The following WDR41 variants were observed in gnomAD, a reference collection of about 807,000 sequenced individuals.
WDR41 encodes the protein WD repeat domain 41.
Under a neutral mutation model 69.3 loss-of-function variants are expected in WDR41, and 63 were observed. The ratio of observed to expected loss-of-function variants is 0.91; its 90% confidence interval spans 0.74 to 1.12. The LOEUF is 1.12. WDR41 is among the 50% of genes most tolerant of loss of function. The pLI is 0.00. For synonymous variants in WDR41, 185 were observed against 192.1 expected (o/e 0.96, Z 0.31); for missense variants, 543 against 534.5 (o/e 1.02, Z -0.16).
chr5:77,559,625 CATTATAT>C (rs1293844872), intron 1 of WDR41, among the ~76,000 whole-genome samples: 1 of 150,576 alleles, frequency 6.6e-6, no homozygotes, highest in Non-Finnish European at 1.5e-5. Context: ...TATATGTCAG[CATTATAT>C]ATAATATATA....
chr5:77,522,352 C>T (rs940585154), intron 1 of WDR41, among the ~76,000 whole-genome samples: 3 of 152,086 alleles, frequency 2.0e-5, no homozygotes, highest in South Asian at 2.1e-4. Context: ...TTAAAAGAAA[C>T]GGAAAGAGGC....
intron 2 of WDR41, among the ~76,000 whole-genome samples, chr5:77,475,229 C>G (rs962789627): frequency 5.9e-5 from 9 of 152,166 alleles, no homozygotes; most frequent in African/African-American, 1.7e-4. Context: ...AGGCAGCAGC[C>G]AGGCTGGGGG....
rs1345592404 is a variant in WDR41, at chr5:77,477,627, G to A, written c.167+11830C>T. Among the ~76,000 whole-genome samples, 8 of 85,424 alleles carry A rather than the reference G, an allele frequency of 9.4e-5. 1 individual carries two copies. The highest frequency in any genetic ancestry group is 2.7e-4 in the African/African-American group (3 of 11,162). The allele number at this position is 85,424 out of a possible 152,430, so 56.0% of individuals were successfully genotyped here. A position where few individuals can be genotyped will look rare whatever the true frequency, so the allele number is the denominator to read the frequency against. ...AATAAAGATGTTCTTTGAAACCAAC[G>A]AGAACAAAGACACAACATATCAGAA... On this transcript the variant is annotated intron_variant, in intron 2 of 12. Transcript: ENST00000296679.
At chr5:77,488,171 A>G (rs914460740) in intron 2 of WDR41, among the ~76,000 whole-genome samples, 5 of 152,250 alleles carry the variant, frequency 3.3e-5, no homozygotes, top group Non-Finnish European at 7.3e-5. Context: ...AAACCCATAC[A>G]TGGCTTGCAG....
intron 1 of WDR41, among the ~76,000 whole-genome samples, chr5:77,593,979 AG>A (rs1195963969): frequency 1.3e-5 from 2 of 152,128 alleles, no homozygotes; most frequent in African/African-American, 4.8e-5. Context: ...CAAATAAGAA[AG>A]GGGGCAGGAC....
intron 1 of WDR41, among the ~76,000 whole-genome samples, chr5:77,591,947 C>T (rs1467238899): frequency 1.3e-5 from 2 of 152,006 alleles, no homozygotes; most frequent in Non-Finnish European, 2.9e-5. Context: ...TCCCTGCCTC[C>T]TCTATTGGTG....
chr5:77,564,525 T>C (rs1482892958), intron 1 of WDR41, among the ~76,000 whole-genome samples: 1 of 152,208 alleles, frequency 6.6e-6, no homozygotes, highest in East Asian at 1.9e-4. Flanking sequence ...CAAAAGCCTC[T>C]AGTTCAATCA....
At chr5:77,593,616 A>G (rs749136479) in intron 1 of WDR41, among the ~76,000 whole-genome samples, 14 of 152,194 alleles carry the variant, frequency 9.2e-5, no homozygotes, top group Non-Finnish European at 1.6e-4. Context: ...CTGAGTCACA[A>G]AGTTCATTCA....
chr5:77,491,744 C>A (rs1046682699), intron 1 of WDR41: 1 of 176,044 alleles, frequency 5.7e-6, no homozygotes, highest in African/African-American at 2.4e-5. Context: ...GGAAGAGACA[C>A]CAATTCAAAT....
At chr5:77,580,778 A>T (rs1016131186) in intron 1 of WDR41, among the ~76,000 whole-genome samples, 9 of 151,894 alleles carry the variant, frequency 5.9e-5, no homozygotes, top group Non-Finnish European at 5.9e-5. Flanking sequence ...ACATCGTGAA[A>T]CCTCATCTCT....
At chr5:77,581,207 T>C (rs1448432060) in intron 1 of WDR41, among the ~76,000 whole-genome samples, 1 of 152,018 alleles carries the variant, frequency 6.6e-6, no homozygotes, top group African/African-American at 2.4e-5. Context: ...GAATAACAGA[T>C]ACTACTAATA....
intron 1 of WDR41, among the ~76,000 whole-genome samples, chr5:77,597,761 C>T (rs1744252886): frequency 6.6e-6 from 1 of 152,066 alleles, no homozygotes; most frequent in Non-Finnish European, 1.5e-5. Flanking sequence ...CCATATGAAC[C>T]TACACAAAGA....
intron 1 of WDR41, chr5:77,491,898 C>G (rs1295147322): frequency 4.0e-6 from 2 of 501,612 alleles, no homozygotes; most frequent in East Asian, 6.9e-5. Flanking sequence ...AGCTGAGCGT[C>G]CCTGAGCCAG....
rs764072467 is a variant in WDR41 at position 77,440,972 on chromosome 5, G to A, written c.723C>T (p.His241=). 2.7e-5 allele frequency: 44 copies of A among 1,612,958 alleles called. No individual in the cohort carries two copies. Among genetic ancestry groups the A allele is most frequent in the Middle Eastern group, 1.6e-4 (1 of 6,082 alleles). The change falls in exon 9 of 13, where the codon CAC becomes CAT. Residue 241 remains histidine, a synonymous_variant. Transcript: ENST00000296679. The part of the protein sequence containing the change: ...VNDLSFVTGS[H]VGELIIWDAL... ...CATCCCAGATGATCAGCTCTCCGAC[G>A]TGGGAGCCGGTGACAAAACTCAAAT...
intron 8 of WDR41, among the ~76,000 whole-genome samples, chr5:77,442,172 A>C (rs375278): frequency 0.032 from 4,863 of 152,288 alleles, 205 homozygotes; most frequent in South Asian, 0.19. Flanking sequence ...TCTCGATCCA[A>C]CAATTCCACT....
chr5:77,489,341 A>C, intron 2 of WDR41, 116 bp downstream of exon 2: 1 of 532,882 alleles, frequency 1.9e-6, no homozygotes, highest in Non-Finnish European at 3.1e-6. Context: ...AATGTTACTA[A>C]TGATCACAGT....
intron 8 of WDR41, among the ~76,000 whole-genome samples, chr5:77,442,533 T>A (rs1799205333): frequency 6.6e-6 from 1 of 152,130 alleles, no homozygotes; most frequent in African/African-American, 2.4e-5. Flanking sequence ...TTTTATATTT[T>A]TAATGTTTTT....
At chr5:77,469,257 G>A (rs1006463239) in intron 2 of WDR41, among the ~76,000 whole-genome samples, 8 of 152,242 alleles carry the variant, frequency 5.3e-5, no homozygotes, top group African/African-American at 1.9e-4. Flanking sequence ...TGGGGGTAGG[G>A]GGGAGGGATA....
At chr5:77,494,787 A>G, upstream of WDR41, among the ~76,000 whole-genome samples, 1 of 152,146 alleles carries the variant, frequency 6.6e-6, no homozygotes, top group East Asian at 1.9e-4. Flanking sequence ...GACATAAACA[A>G]CACAATAAAC....
Sources: gnomAD v4.1 joint callset for allele counts (sites outside exome capture counted in the v4.1 genomes callset) on GRCh38, gnomAD v4.1.1 for gene constraint, MANE v1.5 for transcripts, NCBI Gene and HGNC (gene_info 2026-07-23, HGNC 2026-07-21) for gene names.